The following MARCHF1 variants were observed in gnomAD, a reference collection of about 807,000 sequenced individuals.
The protein encoded by MARCHF1 is membrane associated ring-CH-type finger 1, also known as E3 ubiquitin-protein ligase MARCHF1.
MARCHF1 carries 40 observed loss-of-function variants against 54.2 expected under a neutral mutation model. The ratio of observed to expected loss-of-function variants is 0.74; its 90% confidence interval spans 0.57 to 0.96. The LOEUF is 0.96. Ranked by LOEUF, MARCHF1 falls within the 40% of genes least tolerant of loss-of-function variation. The probability of loss-of-function intolerance (pLI) is 0.00; values close to 1 mark genes in which losing one functional copy is unlikely to be tolerated. For missense variants in MARCHF1, 586 were observed against 656.5 expected, an observed-to-expected ratio of 0.89 and a Z score of 1.17; for synonymous variants, 236 against 236.3, an observed-to-expected ratio of 1.00 and a Z score of 0.01.
rs183434268 is a variant in MARCHF1, at chr4:163,882,017, T to C, written c.-38-27848A>G. Among the ~76,000 whole-genome samples, 11 of 152,294 alleles carry C rather than the reference T, an allele frequency of 7.2e-5. No individual in the cohort carries two copies. In the East Asian group the frequency reaches 2.1e-3, roughly 29 times the overall value. On this transcript the variant is annotated intron_variant, in intron 3 of 9. Coordinates refer to ENST00000514618, the MANE Select transcript of MARCHF1 (RefSeq NM_001394959.1). ...TTCATGAAGAAAGCTACATAAATAGTGAATGGTAGCTAGTGTTTGCAGCAT... is the reference window on the plus strand; with the variant it reads ...TTCATGAAGAAAGCTACATAAATAGCGAATGGTAGCTAGTGTTTGCAGCAT...
chr4:163,780,668 A>G (rs1747438991), intron 4 of MARCHF1, among the ~76,000 whole-genome samples: 1 of 152,240 alleles, frequency 6.6e-6, no homozygotes. Context: ...AGTTTAAGAA[A>G]ATCATATTTG....
chr4:164,214,508 A>G (rs1011524203), intron 1 of MARCHF1, among the ~76,000 whole-genome samples: 1 of 152,274 alleles, frequency 6.6e-6, no homozygotes, highest in East Asian at 1.9e-4. Flanking sequence ...ATGACATGAT[A>G]ATATATTATT....
intron 2 of MARCHF1, among the ~76,000 whole-genome samples, chr4:164,022,757 A>G (rs772556199): frequency 1.4e-4 from 22 of 152,208 alleles, no homozygotes; most frequent in Admixed American, 1.2e-3. Flanking sequence ...CCCAGCTGAC[A>G]GCTGGTCCAG....
intron 8 of MARCHF1, among the ~76,000 whole-genome samples, chr4:163,579,401 A>T (rs878916519): frequency 3.3e-5 from 5 of 152,226 alleles, no homozygotes; most frequent in African/African-American, 1.2e-4. Flanking sequence ...TTTTCTTTTA[A>T]TAATTTTTTG....
At chr4:163,960,153 C>T (rs1341466571) in intron 3 of MARCHF1, among the ~76,000 whole-genome samples, 1 of 151,804 alleles carries the variant, frequency 6.6e-6, no homozygotes, top group Non-Finnish European at 1.5e-5. Context: ...AAGTCAAAAA[C>T]GACAGATGCT....
At chr4:163,897,161 A>G (rs1171364955) in intron 3 of MARCHF1, among the ~76,000 whole-genome samples, 1 of 152,202 alleles carries the variant, frequency 6.6e-6, no homozygotes, top group South Asian at 2.1e-4. Flanking sequence ...CAACTGCATT[A>G]CATCTTTAAT....
At chr4:164,033,173 C>G (rs1328800411) in intron 2 of MARCHF1, among the ~76,000 whole-genome samples, 1 of 143,232 alleles carries the variant, frequency 7.0e-6, no homozygotes, top group Non-Finnish European at 1.5e-5. Flanking sequence ...GACTCCATCT[C>G]GGGAAAAAAA....
chr4:163,810,321 T>C (rs1237358657), intron 4 of MARCHF1, among the ~76,000 whole-genome samples: 2 of 152,232 alleles, frequency 1.3e-5, no homozygotes, highest in Non-Finnish European at 2.9e-5. Flanking sequence ...TAATATTTTT[T>C]AAAATTATTA....
chr4:163,586,064 A>G (rs1740402205), intron 7 of MARCHF1, 135 bp from the exon 8 acceptor site: 2 of 669,862 alleles, frequency 3.0e-6, no homozygotes, highest in Non-Finnish European at 4.7e-6. Flanking sequence ...TTTTACTCCA[A>G]CTTTGATGCT....
chr4:163,528,563 A>T lies in MARCHF1; in HGVS notation c.*185T>A. The stretch of plus-strand genomic sequence containing the variant: ...ATACTTTACTTTACGCTATTACTTC[A>T]TGGGCTCCTGGGCATTTGGTCTGTT... On this transcript the variant is annotated 3_prime_UTR_variant, in exon 10 of 10. Transcript: ENST00000514618. The T allele has an allele frequency of 1.7e-6, 1 of 591,272 alleles. No individual in the cohort carries two copies. 36.6% of individuals were successfully genotyped at this position (591,272 alleles called of 1,614,324 possible). A position where few individuals can be genotyped will look rare whatever the true frequency, so the allele number is the denominator to read the frequency against.
At chr4:164,031,595 AT>A (rs545436250) in intron 2 of MARCHF1, among the ~76,000 whole-genome samples, 115 of 151,948 alleles carry the variant, frequency 7.6e-4, no homozygotes, top group African/African-American at 2.7e-3. Flanking sequence ...TAATCATGTG[AT>A]TTTTGTCATT....
chr4:163,681,250 TAAAG>T lies in MARCHF1; in HGVS notation c.162+19559_162+19562del, dbSNP rs1355948334. ...TACCATTAACCATTTTCAGGCTATA[TAAAG>T]AAAGAAAGATTGATAGAAAAAAAGG... On this transcript the variant is annotated intron_variant, in intron 5 of 9. Transcript: ENST00000514618. Among the ~76,000 whole-genome samples the T allele has an allele frequency of 2.6e-5, 4 of 152,100 alleles. No homozygotes were observed. The South Asian group carries it at 8.3e-4, about 32-fold the overall frequency.
chr4:163,659,140 G>C (rs1743255299), intron 5 of MARCHF1, among the ~76,000 whole-genome samples: 1 of 151,672 alleles, frequency 6.6e-6, no homozygotes, highest in Non-Finnish European at 1.5e-5. Context: ...ATTGTCTTTT[G>C]TGTATTGCAT....
chr4:163,861,524 A>G (rs1560792776), intron 3 of MARCHF1, among the ~76,000 whole-genome samples: 1 of 152,124 alleles, frequency 6.6e-6, no homozygotes, highest in Non-Finnish European at 1.5e-5. Flanking sequence ...TATAAATATA[A>G]CAATTTTACA....
chr4:163,640,104 A>C (rs1742499647), intron 5 of MARCHF1, among the ~76,000 whole-genome samples: 1 of 152,128 alleles, frequency 6.6e-6, no homozygotes, highest in South Asian at 2.1e-4. Flanking sequence ...GAAGACCTGG[A>C]TTTACTAGGT....
chr4:163,638,404 C>T (rs537307808), intron 5 of MARCHF1, among the ~76,000 whole-genome samples: 1 of 151,888 alleles, frequency 6.6e-6, no homozygotes, highest in South Asian at 2.1e-4. Flanking sequence ...TAAAAGTATA[C>T]GGCACCTACC....
intron 1 of MARCHF1, among the ~76,000 whole-genome samples, chr4:164,280,674 G>C (rs1333184370): frequency 6.6e-6 from 1 of 151,996 alleles, no homozygotes; most frequent in Non-Finnish European, 1.5e-5. Context: ...TACATTTCGA[G>C]AACAAATATG....
intron 3 of MARCHF1, among the ~76,000 whole-genome samples, chr4:163,895,847 C>T (rs1208499945): frequency 6.6e-6 from 1 of 152,114 alleles, no homozygotes; most frequent in Middle Eastern, 3.2e-3. Flanking sequence ...CCTAAGCCTC[C>T]TCAGCACTTA....
At chr4:164,190,755 T>C (rs1386711555) in intron 1 of MARCHF1, among the ~76,000 whole-genome samples, 1 of 152,234 alleles carries the variant, frequency 6.6e-6, no homozygotes, top group Non-Finnish European at 1.5e-5. Context: ...CTTTTGACTG[T>C]TGAGTTTCAT....
Sources: allele counts gnomAD v4.1 joint callset (sites outside exome capture counted in the v4.1 genomes callset), GRCh38; gene constraint gnomAD v4.1.1; transcripts MANE v1.5; gene names NCBI Gene and HGNC (gene_info 2026-07-23, HGNC 2026-07-21).